Variants in CNTRL observed in about 807,000 individuals in gnomAD.
The protein encoded by CNTRL is 110 kDa centrosomal protein.
A neutral mutation model predicts 303.7 loss-of-function variants in CNTRL; 233 were observed. The ratio of observed to expected loss-of-function variants is 0.77; its 90% CI spans 0.69 to 0.86. The LOEUF (loss-of-function observed/expected upper bound fraction) is 0.86. Ranked by LOEUF, CNTRL falls within the 40% of genes least tolerant of loss-of-function variation. The probability of loss-of-function intolerance (pLI) is 0.00; values close to 1 mark genes in which losing one functional copy is unlikely to be tolerated. For synonymous variants in CNTRL, 900 were observed against 922.2 expected (o/e 0.98, Z 0.44); for missense variants, 2,524 against 2,650.6 (o/e 0.95, Z 1.05).
chr9:121,090,699 A>G (rs1475073220), intron 4 of CNTRL, among the ~76,000 whole-genome samples: 3 of 152,164 alleles, frequency 2.0e-5, no homozygotes, highest in African/African-American at 4.8e-5. Context: ...AGTCACCCTT[A>G]TTTGTTTACA....
At chr9:121,090,852 T>C (rs2048539009) in intron 4 of CNTRL, among the ~76,000 whole-genome samples, 1 of 152,208 alleles carries the variant, frequency 6.6e-6, no homozygotes, top group African/African-American at 2.4e-5. Flanking sequence ...TACCCAAGAC[T>C]GGGCAATTTA....
chr9:121,092,441 T>G (rs1307607779), intron 4 of CNTRL, among the ~76,000 whole-genome samples: 3 of 124,996 alleles, frequency 2.4e-5, no homozygotes, highest in African/African-American at 9.2e-5. Context: ...GATAGATAGA[T>G]AGATAATATA....
intron 20 of CNTRL, 113 bp from the exon 21 acceptor site, chr9:121,144,730 T>G (rs1200017939): frequency 1.2e-6 from 1 of 854,392 alleles, no homozygotes; most frequent in African/African-American, 1.7e-5. Context: ...TCCCTTTTCA[T>G]GGACAGCCTG....
Position 121,154,831 on chromosome 9 carries a change from T to C in CNTRL, c.4283T>C (p.Leu1428Pro). The stretch of plus-strand genomic sequence containing the variant: ...GAAATTGAGTGCATTGAGAAGACTC[T>C]TCTGAAACGTCGCTCAGAGCTCAGG... ...VDEIECIEKT[L>P]LKRRSELREA... The change falls in exon 27 of 44, where the codon CTT becomes CCT. Residue 1428 changes from leucine to proline, a missense_variant. By Grantham distance (98) the Leu-to-Pro change is moderately conservative (BLOSUM62 -3). Transcript: ENST00000373855. 6.2e-7 allele frequency: 1 copy of C among 1,614,186 alleles called. No individual in the cohort carries two copies.
In CNTRL at chr9:121,142,222, T is replaced by C; in HGVS notation, c.2823T>C (p.Asp941=). 1.9e-6 allele frequency: 3 copies of C among 1,611,574 alleles called. No individual in the cohort carries two copies. The highest frequency in any genetic ancestry group is 1.7e-6 in the Non-Finnish European group (2 of 1,179,278). The stretch of plus-strand genomic sequence containing the variant: ...CAGATCTCCAACTTCAGGAAGCTGA[T>C]GAAGAGAAGGAGAGAATTCTGGCCC... ...GLTDLQLQEA[D]EEKERILAQL... is the part of the protein sequence containing the mutation. Residue 941 remains aspartate, a synonymous_variant, in exon 19 of 44, where the codon GAT becomes GAC. Coordinates refer to ENST00000373855, the MANE Select transcript of CNTRL (RefSeq NM_007018.6).
chr9:121,162,390 AT>A, intron 34 of CNTRL, 119 bp downstream of exon 34: 2 of 158,468 alleles, frequency 1.3e-5, no homozygotes, highest in Non-Finnish European at 2.1e-5. Flanking sequence ...ACTTGGTATC[AT>A]AATACATTTT....
At chr9:121,112,683 T>C in intron 9 of CNTRL, 105 bp downstream of exon 9, 7 of 1,170,260 alleles carry the variant, frequency 6.0e-6, no homozygotes, top group Admixed American at 2.0e-5. Context: ...CAGATATCAC[T>C]CCACTTTCTT....
intron 7 of CNTRL, among the ~76,000 whole-genome samples, chr9:121,099,466 A>G (rs929159710): frequency 1.3e-5 from 2 of 152,248 alleles, no homozygotes; most frequent in Non-Finnish European, 2.9e-5. Flanking sequence ...AGAGCAGAAA[A>G]GCTGAAAATT....
At chr9:121,097,552 T>C (rs2048940521) in intron 6 of CNTRL, among the ~76,000 whole-genome samples, 1 of 149,998 alleles carries the variant, frequency 6.7e-6, no homozygotes, top group Non-Finnish European at 1.5e-5. Context: ...TTGTTAACAA[T>C]ACCTATGCTT....
chr9:121,136,156 G>T (rs1422494704), intron 15 of CNTRL, among the ~76,000 whole-genome samples, 174 bp downstream of exon 15: 5 of 152,146 alleles, frequency 3.3e-5, no homozygotes, highest in Admixed American at 3.3e-4. Flanking sequence ...AACTACCCCT[G>T]TGTGAACACG....
chr9:121,171,355 A>G, intron 39 of CNTRL, 53 bp from the exon 40 acceptor site: 1 of 1,607,210 alleles, frequency 6.2e-7, no homozygotes, highest in African/African-American at 1.3e-5. Flanking sequence ...TAAGCCAGCA[A>G]ACCACACCTC....
At chr9:121,144,311 A>G (rs938757200) in intron 20 of CNTRL, among the ~76,000 whole-genome samples, 5 of 152,212 alleles carry the variant, frequency 3.3e-5, no homozygotes, top group African/African-American at 1.2e-4. Flanking sequence ...GGAATCATCA[A>G]ATAAACATGC....
intron 42 of CNTRL, among the ~76,000 whole-genome samples, chr9:121,174,299 G>C (rs1358848408): frequency 5.3e-5 from 8 of 152,222 alleles, no homozygotes; most frequent in Admixed American, 4.6e-4. Context: ...TATGTAGACA[G>C]CATGGGATGA....
chr9:121,167,938 A>G (rs1177948766), intron 37 of CNTRL, among the ~76,000 whole-genome samples, 158 bp from the exon 38 acceptor site: 1 of 152,158 alleles, frequency 6.6e-6, no homozygotes, highest in Non-Finnish European at 1.5e-5. Context: ...CATGCTGGCC[A>G]GATAGCTTCC....
At chr9:121,107,176 T>G (rs1269822316) in intron 7 of CNTRL, among the ~76,000 whole-genome samples, 1 of 152,126 alleles carries the variant, frequency 6.6e-6, no homozygotes, top group Non-Finnish European at 1.5e-5. Context: ...TTTTAAAACT[T>G]AAGACCTGTA....
rs72760254 is a variant in CNTRL, at chr9:121,169,761, C to A, written c.6221C>A (p.Ala2074Asp). 9.2e-3 allele frequency: 14,908 copies of A among 1,614,116 alleles called. 94 individuals are homozygous for A. The highest frequency in any genetic ancestry group is 0.012 in the Non-Finnish European group (13,808 of 1,180,006). ...TERKKAEKQV[A>D]SLKEALKIQR... ...AGAAAGAAAGCTGAGAAGCAGGTGG[C>A]CAGCCTGAAGGAAGCACTTAAGATC... Residue 2074 changes from alanine (A) to aspartate (D), a missense_variant, in exon 39 of 44, where the codon GCC becomes GAC. By Grantham distance (126) the Ala-to-Asp change is moderately radical (BLOSUM62 -2). Transcript: ENST00000373855.
chr9:121,177,040 A>C, intron 43 of CNTRL, 123 bp from the exon 44 acceptor site: 1 of 750,932 alleles, frequency 1.3e-6, no homozygotes, highest in Non-Finnish European at 2.2e-6. Flanking sequence ...TTCATCTTAA[A>C]ACATTTTTCC....
chr9:121,160,367 GA>G, intron 32 of CNTRL, 65 bp downstream of exon 32: 2 of 1,209,132 alleles, frequency 1.7e-6, no homozygotes, highest in South Asian at 5.6e-5. Flanking sequence ...ACAAGTCACA[GA>G]AAAAATAACA....
chr9:121,146,098 T>C lies in CNTRL; in HGVS notation c.3311-10T>C. 1 of 1,590,364 alleles carries C rather than the reference T, an allele frequency of 6.3e-7. No homozygotes were observed. The highest frequency in any genetic ancestry group is 8.5e-7 in the Non-Finnish European group (1 of 1,171,860). On this transcript the variant is annotated splice_polypyrimidine_tract_variant and intron_variant, in intron 22 of 43. Coordinates refer to ENST00000373855, the MANE Select transcript of CNTRL (RefSeq NM_007018.6). ...TCATATCAATTTCATAGAATGACTT[T>C]TCTTTACAGACAACAAAGGAGGCTT... is the stretch of plus-strand genomic sequence containing the variant.
Sources: gnomAD v4.1 joint callset for allele counts (sites outside exome capture counted in the v4.1 genomes callset) on GRCh38, gnomAD v4.1.1 for gene constraint, MANE v1.5 for transcripts, NCBI Gene and HGNC (gene_info 2026-07-23, HGNC 2026-07-21) for gene names.